G2E3: variants seen among roughly 807,000 people sequenced by gnomAD.
G2E3 encodes G2/M phase-specific E3 ubiquitin-protein ligase.
A neutral mutation model predicts 92.8 loss-of-function variants in G2E3; 35 were observed. That is an observed-to-expected ratio of 0.38 (90% CI 0.29 to 0.50). The LOEUF (loss-of-function observed/expected upper bound fraction) is 0.50, where lower values mean the gene tolerates loss of function less well. Among genes scored for constraint, G2E3 ranks in the 20% least tolerant of loss-of-function variants. The probability of loss-of-function intolerance (pLI) is 0.94; values close to 1 mark genes in which losing one functional copy is unlikely to be tolerated. For synonymous variants in G2E3, 242 were observed against 272.4 expected (o/e 0.89, Z 1.10); for missense variants, 554 against 823.8 (o/e 0.67, Z 4.01).
chr14:30,560,338 G>T (rs1221568799), intron 1 of G2E3: 1 of 154,176 alleles, frequency 6.5e-6, no homozygotes, highest in Non-Finnish European at 1.4e-5. Flanking sequence ...TTAACACCAG[G>T]ATATTGTACC....
In G2E3 at chr14:30,597,414, C is replaced by T. The variant is rs1449537709; in HGVS notation, c.529-6C>T. Reference sequence around the variant, plus strand: ...TTAACAGTAGACTTTTTATTTTCCACTGTAGGTTCAAGCAATAAATGCGGG... The same window carrying T: ...TTAACAGTAGACTTTTTATTTTCCATTGTAGGTTCAAGCAATAAATGCGGG... On this transcript the variant is annotated splice_polypyrimidine_tract_variant and splice_region_variant and intron_variant, in intron 6 of 14. Coordinates refer to ENST00000206595, the MANE Select transcript of G2E3 (RefSeq NM_017769.5). 2.1e-6 allele frequency: 3 copies of T among 1,408,268 alleles called. No homozygotes were observed. Among genetic ancestry groups the T allele is most frequent in the Non-Finnish European group, 3.0e-6 (3 of 993,544 alleles). 87.2% of individuals were successfully genotyped at this position (1,408,268 alleles called of 1,614,324 possible). A position where few individuals can be genotyped will look rare whatever the true frequency, so the allele number is the denominator to read the frequency against.
intron 12 of G2E3, 29 bp from the exon 13 acceptor site, chr14:30,612,173 GAGTAA>G (rs1882123479): frequency 1.3e-6 from 2 of 1,505,380 alleles, no homozygotes; most frequent in East Asian, 2.3e-5. Flanking sequence ...AAAAGTAAAT[GAGTAA>G]AGTGGCTGTA....
At chr14:30,612,575 C>CG (rs1179605291) in intron 13 of G2E3, among the ~76,000 whole-genome samples, 196 bp downstream of exon 13, 1 of 151,978 alleles carries the variant, frequency 6.6e-6, no homozygotes, top group Non-Finnish European at 1.5e-5. Flanking sequence ...TTGTGTAGGT[C>CG]GGGCATGGTG....
Position 30,593,366 on chromosome 14 carries a change from TTA to T in G2E3, c.363-106_363-105del, listed in dbSNP as rs1881113820. On this transcript the variant is annotated intron_variant, in intron 5 of 14. Transcript: ENST00000206595. ...AAGGCTCCAGTCTGTTGTAGGTGAA[TTA>T]TGAGACAGACACAAATGAATTTCAT... is the stretch of plus-strand genomic sequence containing the variant. The T allele has an allele frequency of 6.7e-6, 4 of 599,524 alleles. No homozygotes were observed. The South Asian group carries it at 9.6e-5, about 14-fold the overall frequency. The allele number at this position is 599,524 out of a possible 1,614,324, so 37.1% of individuals were successfully genotyped here. A position where few individuals can be genotyped will look rare whatever the true frequency, so the allele number is the denominator to read the frequency against.
intron 13 of G2E3, among the ~76,000 whole-genome samples, chr14:30,613,465 T>G (rs1476048383): frequency 6.6e-6 from 1 of 152,204 alleles, no homozygotes; most frequent in East Asian, 1.9e-4. Context: ...GATGTGAGCC[T>G]TAATGGTCTT....
At chr14:30,569,768 T>C (rs1879650497) in intron 1 of G2E3, among the ~76,000 whole-genome samples, 1 of 152,144 alleles carries the variant, frequency 6.6e-6, no homozygotes, top group African/African-American at 2.4e-5. Context: ...ACTTACTATC[T>C]GATAATCCAA....
In G2E3 at chr14:30,585,474, T is replaced by C. The variant is rs149895551; in HGVS notation, c.38-1244T>C. ...TGAAAATCATTTGACCATAGATGTA[T>C]ATATTTATTTCTGGACTCTTCTTTT... On this transcript the variant is annotated intron_variant, in intron 2 of 14. Transcript: ENST00000206595. Among the ~76,000 whole-genome samples the C allele has an allele frequency of 8.6e-4, 131 of 152,260 alleles. 1 individual carries two copies. Among genetic ancestry groups the C allele is most frequent in the African/African-American group, 3.0e-3 (125 of 41,558 alleles).
In G2E3 at chr14:30,612,254, A is replaced by G; in HGVS notation, c.1548A>G (p.Glu516=). 1.2e-6 allele frequency: 2 copies of G among 1,609,246 alleles called. No individual in the cohort carries two copies. Among genetic ancestry groups the G allele is most frequent in the African/African-American group, 1.3e-5 (1 of 74,970 alleles). ...TVADLKSIIN[E]CYNYLELIGC... ...CTGACTTAAAGTCAATAATAAATGA[A>G]TGCTATAACTACCTTGAGTTAATTG... is the stretch of plus-strand genomic sequence containing the variant. The change falls in exon 13 of 15, where the codon GAA becomes GAG. Residue 516 remains glutamate (E), a synonymous_variant. Coordinates refer to ENST00000206595, the MANE Select transcript of G2E3 (RefSeq NM_017769.5).
intron 2 of G2E3, among the ~76,000 whole-genome samples, chr14:30,582,437 G>T (rs762206212): frequency 6.6e-6 from 1 of 152,172 alleles, no homozygotes; most frequent in Non-Finnish European, 1.5e-5. Context: ...TGGGTAGAGG[G>T]AGACAAGGGG....
rs144959470 is a variant in G2E3 at position 30,586,110 on chromosome 14, C to G, written c.38-608C>G. ...TTGACAAACAGCAGAGGCTCCAGCCCTGAGAAAGTTCTGAGGCAGGTGAAA... is the reference window on the plus strand; with the variant it reads ...TTGACAAACAGCAGAGGCTCCAGCCGTGAGAAAGTTCTGAGGCAGGTGAAA... On this transcript the variant is annotated intron_variant, in intron 2 of 14. Transcript: ENST00000206595. Among the ~76,000 whole-genome samples, 1,427 of 152,310 alleles carry G rather than the reference C, an allele frequency of 9.4e-3. 10 individuals carry two copies. The highest frequency in any genetic ancestry group is 0.048 in the Middle Eastern group (14 of 294).
At chr14:30,599,740 A>G (rs975431651) in intron 8 of G2E3, among the ~76,000 whole-genome samples, 6 of 152,076 alleles carry the variant, frequency 3.9e-5, no homozygotes, top group Non-Finnish European at 7.3e-5. Flanking sequence ...AAATTATAAC[A>G]TTTTGGAAAT....
chr14:30,601,662 C>T (rs1594501837), intron 8 of G2E3, 108 bp from the exon 9 acceptor site: 9 of 966,046 alleles, frequency 9.3e-6, no homozygotes, highest in Middle Eastern at 3.0e-4. Flanking sequence ...ATCGATTGGG[C>T]GGGTGTGTGC....
chr14:30,612,136 G>A (rs762599227), intron 12 of G2E3, 71 bp from the exon 13 acceptor site: 1 of 1,034,376 alleles, frequency 9.7e-7, no homozygotes, highest in Admixed American at 2.0e-5. Flanking sequence ...AAATTAACAA[G>A]TATCATTTGA....
intron 4 of G2E3, chr14:30,590,610 T>G (rs1401030101): frequency 2.2e-6 from 1 of 453,562 alleles, no homozygotes; most frequent in Non-Finnish European, 4.4e-6. Context: ...GAAACATTTA[T>G]TCTTTTAGTT....
chr14:30,587,966 C>T (rs1368582626), intron 3 of G2E3, among the ~76,000 whole-genome samples: 1 of 152,182 alleles, frequency 6.6e-6, no homozygotes, highest in African/African-American at 2.4e-5. Context: ...TTCAAATCTA[C>T]CACCATCCAT....
intron 6 of G2E3, among the ~76,000 whole-genome samples, chr14:30,596,110 ATGGGTGGG>A (rs1237086168): frequency 6.7e-5 from 1 of 14,852 alleles, no homozygotes; most frequent in African/African-American, 2.6e-4. Flanking sequence ...CCTCCCTTAT[ATGGGTGGG>A]TGGGTGGGTG....
chr14:30,567,571 T>G (rs1274502977), intron 1 of G2E3, among the ~76,000 whole-genome samples: 1 of 152,014 alleles, frequency 6.6e-6, no homozygotes, highest in Non-Finnish European at 1.5e-5. Flanking sequence ...ACTAAACGTT[T>G]TCAATTTTGT....
chr14:30,582,331 T>C (rs1880478822), intron 2 of G2E3, among the ~76,000 whole-genome samples: 1 of 152,134 alleles, frequency 6.6e-6, no homozygotes, highest in Non-Finnish European at 1.5e-5. Context: ...ATTTTAAACA[T>C]TAAAAGCAGG....
At chr14:30,606,584 G>A (rs921648722) in intron 11 of G2E3, among the ~76,000 whole-genome samples, 1 of 152,032 alleles carries the variant, frequency 6.6e-6, no homozygotes, top group Non-Finnish European at 1.5e-5. Flanking sequence ...AGGCAGCTTT[G>A]GTATGGTGGA....
Sources: gnomAD v4.1 joint callset for allele counts (sites outside exome capture counted in the v4.1 genomes callset) on GRCh38, gnomAD v4.1.1 for gene constraint, MANE v1.5 for transcripts, NCBI Gene and HGNC (gene_info 2026-07-23, HGNC 2026-07-21) for gene names.